The following LINGO2 variants were observed in gnomAD, a reference collection of about 807,000 sequenced individuals.
LINGO2 encodes leucine rich repeat and Ig domain containing 2.
LINGO2 carries 14 observed loss-of-function variants against 30.6 expected under a neutral mutation model. That is an observed-to-expected ratio of 0.46 (90% CI 0.30 to 0.72). The LOEUF is 0.72. Ranked by LOEUF, LINGO2 falls within the 30% of genes least tolerant of loss-of-function variation. The pLI, the probability that LINGO2 is intolerant of heterozygous loss-of-function variation, is 0.07. For synonymous variants in LINGO2, 317 were observed against 288.5 expected, an observed-to-expected ratio of 1.10 and a Z score of -1.00; for missense variants, 729 against 751.7, an observed-to-expected ratio of 0.97 and a Z score of 0.35.
chr9:28,640,248 G>A (rs552824632), intron 1 of LINGO2, among the ~76,000 whole-genome samples: 4 of 152,044 alleles, frequency 2.6e-5, no homozygotes, highest in East Asian at 1.9e-4. Context: ...GTGGCTGCCC[G>A]TAACATTTTT....
In LINGO2 at chr9:28,476,178, CAT is replaced by C. The variant is rs1444260454; in HGVS notation, c.-364-155_-364-154del. Reference sequence around the variant, plus strand: ...ACACAGTAGGGATTAATTCACTTCACATGTGTGTGGTTTTCCATTTTGAAGTT... The same window carrying C: ...ACACAGTAGGGATTAATTCACTTCACGTGTGTGGTTTTCCATTTTGAAGTT... On this transcript the variant is annotated intron_variant, in intron 1 of 5. Coordinates refer to ENST00000379992, the Ensembl canonical transcript of LINGO2. Among the ~76,000 whole-genome samples the C allele has an allele frequency of 3.3e-5, 5 of 152,198 alleles. No individual in the cohort carries two copies. The South Asian group carries it at 8.3e-4, about 25-fold the overall frequency.
intron 4 of LINGO2, among the ~76,000 whole-genome samples, chr9:28,052,475 G>A (rs1297709150): frequency 6.6e-6 from 1 of 151,952 alleles, no homozygotes; most frequent in Non-Finnish European, 1.5e-5. Context: ...TTCACTATTG[G>A]GAACATCATT....
At chr9:29,178,299 G>T in the LINGO2 span, among the ~76,000 whole-genome samples, 3 of 151,902 alleles carry the variant, frequency 2.0e-5, no homozygotes, top group Non-Finnish European at 4.4e-5. Context: ...CAAGTAGTCT[G>T]CCCACCTCCG....
At chr9:28,647,497 A>C (rs1031980415) in intron 1 of LINGO2, among the ~76,000 whole-genome samples, 2 of 152,160 alleles carry the variant, frequency 1.3e-5, no homozygotes, top group Admixed American at 1.3e-4. Context: ...TTTATAAATA[A>C]TACTTTATAA....
At chr9:29,036,983 G>A in the LINGO2 span, among the ~76,000 whole-genome samples, 1 of 151,832 alleles carries the variant, frequency 6.6e-6, no homozygotes, top group Non-Finnish European at 1.5e-5. Flanking sequence ...TTTATGTTAG[G>A]ATGAAAATGG....
intron 4 of LINGO2, among the ~76,000 whole-genome samples, chr9:28,186,516 T>C (rs1261305922): frequency 6.6e-6 from 1 of 151,850 alleles, no homozygotes; most frequent in African/African-American, 2.4e-5. Flanking sequence ...ATGAACAAAA[T>C]AAATGCAAAA....
At chr9:28,593,666 AT>A (rs1825034571) in intron 1 of LINGO2, among the ~76,000 whole-genome samples, 1 of 152,086 alleles carries the variant, frequency 6.6e-6, no homozygotes, top group Non-Finnish European at 1.5e-5. Flanking sequence ...TTAATCAAAA[AT>A]CAAAATAAAC....
intron 4 of LINGO2, among the ~76,000 whole-genome samples, chr9:28,233,181 T>C (rs985849306): frequency 1.3e-5 from 2 of 150,956 alleles, no homozygotes; most frequent in Non-Finnish European, 2.9e-5. Context: ...GTCATCTCCA[T>C]TGATATGAAA....
At chr9:28,353,837 G>A (rs1310461352) in intron 3 of LINGO2, among the ~76,000 whole-genome samples, 8 of 152,040 alleles carry the variant, frequency 5.3e-5, no homozygotes, top group Admixed American at 3.3e-4. Flanking sequence ...AAAATGATGA[G>A]TTCATGTCCT....
At chr9:28,224,562 G>T (rs1253993078) in intron 4 of LINGO2, among the ~76,000 whole-genome samples, 2 of 152,124 alleles carry the variant, frequency 1.3e-5, no homozygotes, top group Non-Finnish European at 2.9e-5. Context: ...AATAGATTAT[G>T]ATTCACTGAA....
chr9:28,988,991 G>A, the LINGO2 span, among the ~76,000 whole-genome samples: 4 of 151,972 alleles, frequency 2.6e-5, no homozygotes, highest in Non-Finnish European at 1.5e-5. Flanking sequence ...CCTATTCTGT[G>A]TTCTTGCTGA....
the LINGO2 span, among the ~76,000 whole-genome samples, chr9:28,871,367 A>G: frequency 6.8e-6 from 1 of 147,254 alleles, no homozygotes; most frequent in Non-Finnish European, 1.5e-5. Flanking sequence ...AAAACACTCT[A>G]GAACACACAT....
chr9:28,013,510 C>T (rs900998246), intron 4 of LINGO2, among the ~76,000 whole-genome samples: 9 of 152,192 alleles, frequency 5.9e-5, no homozygotes, highest in African/African-American at 1.7e-4. Context: ...ATCCTGCAAA[C>T]ATTTGGCTTA....
At position 28,137,198 on chromosome 9, in the gene LINGO2, GACACACACAC is replaced by G. The variant is rs3064725; in HGVS notation, c.-86-124803_-86-124794del. Among the ~76,000 whole-genome samples, 9 of 148,208 alleles carry G rather than the reference GACACACACAC, an allele frequency of 6.1e-5. No individual in the cohort carries two copies. In the South Asian group the frequency reaches 1.1e-3, roughly 18 times the overall value. On this transcript the variant is annotated intron_variant, in intron 4 of 5. Transcript: ENST00000379992. ...ATTCATACATATATAGAAAATCCCT[GACACACACAC>G]ACACACACACACACACACAAATTGG...
chr9:28,572,845 C>G (rs1823766036), intron 1 of LINGO2, among the ~76,000 whole-genome samples: 1 of 152,082 alleles, frequency 6.6e-6, no homozygotes, highest in Admixed American at 6.5e-5. Flanking sequence ...TCAAGGAACA[C>G]TAGAAATTCA....
At chr9:28,036,381 C>T (rs1045281272) in intron 4 of LINGO2, among the ~76,000 whole-genome samples, 3 of 152,162 alleles carry the variant, frequency 2.0e-5, no homozygotes, top group Admixed American at 2.0e-4. Context: ...GCTGCAGACA[C>T]ACATCCAGGG....
Position 28,616,392 on chromosome 9 carries a change from T to C in LINGO2, c.-365+53808A>G, listed in dbSNP as rs139705450. On this transcript the variant is annotated intron_variant, in intron 1 of 5. Transcript: ENST00000379992. ...TCAGTCCGTTTGGCTTTGAGCTATA[T>C]AGCTGACCCACATCAGCTGCTTTCA... 2.3e-3 allele frequency among the ~76,000 whole-genome samples: 344 copies of C among 152,230 alleles called. 1 individual carries two copies. Among genetic ancestry groups the C allele is most frequent in the African/African-American group, 8.0e-3 (332 of 41,498 alleles).
chr9:29,159,042 G>C, the LINGO2 span, among the ~76,000 whole-genome samples: 4 of 152,214 alleles, frequency 2.6e-5, 1 homozygote, highest in Admixed American at 2.6e-4. Flanking sequence ...ACATGGGCTT[G>C]TTCGACTCTG....
the LINGO2 span, among the ~76,000 whole-genome samples, chr9:28,882,684 A>C: frequency 6.6e-6 from 1 of 152,216 alleles, no homozygotes; most frequent in African/African-American, 2.4e-5. Context: ...GTTGTCTGTC[A>C]TTGTCCTACA....
Sources: gnomAD v4.1 joint callset for allele counts (sites outside exome capture counted in the v4.1 genomes callset) on GRCh38, gnomAD v4.1.1 for gene constraint, MANE v1.5 for transcripts, NCBI Gene and HGNC (gene_info 2026-07-23, HGNC 2026-07-21) for gene names.